Variants in NCKAP5 observed in about 807,000 individuals in gnomAD.
The protein encoded by NCKAP5 is NCK associated protein 5.
Under a neutral mutation model 167.0 loss-of-function variants are expected in NCKAP5, and 92 were observed. The observed-to-expected ratio is 0.55, with a 90% CI of 0.47 to 0.66. The LOEUF (loss-of-function observed/expected upper bound fraction) is 0.66, where lower values mean the gene tolerates loss of function less well. Ranked by LOEUF, NCKAP5 falls within the 30% of genes least tolerant of loss-of-function variation. NCKAP5 has a pLI of 0.00. For missense variants in NCKAP5, 2,378 were observed against 2,315.0 expected (o/e 1.03, Z -0.56); for synonymous variants, 891 against 877.4 (o/e 1.02, Z -0.27).
At chr2:133,213,861 G>C (rs1464495605) in intron 4 of NCKAP5, 82 bp from the exon 5 acceptor site, 3 of 1,326,884 alleles carry the variant, frequency 2.3e-6, no homozygotes, top group Non-Finnish European at 3.2e-6. Context: ...ATTCTTTTGA[G>C]GTCTCTAGAG....
chr2:132,873,985 C>A (rs1691048509), intron 9 of NCKAP5, among the ~76,000 whole-genome samples: 1 of 152,058 alleles, frequency 6.6e-6, no homozygotes, highest in South Asian at 2.1e-4. Context: ...GGACTGCCTC[C>A]AGGGCGATAG....
chr2:132,786,926 A>G (rs533128616), intron 13 of NCKAP5, among the ~76,000 whole-genome samples: 6 of 152,326 alleles, frequency 3.9e-5, no homozygotes, highest in African/African-American at 7.2e-5. Context: ...GATGCTATAT[A>G]TAAAGCCAAG....
chr2:133,160,590 A>G (rs934938058), intron 5 of NCKAP5, among the ~76,000 whole-genome samples: 3 of 151,920 alleles, frequency 2.0e-5, no homozygotes, highest in African/African-American at 7.3e-5. Flanking sequence ...CCAACCCATA[A>G]CAATGGCTGA....
At chr2:133,658,306 G>A in the NCKAP5 span, among the ~76,000 whole-genome samples, 8 of 152,276 alleles carry the variant, frequency 5.3e-5, no homozygotes, top group African/African-American at 1.9e-4. Context: ...CTGTAAGCTT[G>A]TATTTAAGTT....
At chr2:133,424,171 G>A (rs1574931619) in intron 3 of NCKAP5, among the ~76,000 whole-genome samples, 1 of 152,274 alleles carries the variant, frequency 6.6e-6, no homozygotes, top group South Asian at 2.1e-4. Context: ...ATAGGTGTCA[G>A]GGAGTACTGT....
At chr2:132,968,345 TTTGAAGGGA>T in intron 7 of NCKAP5, among the ~76,000 whole-genome samples, 1 of 152,200 alleles carries the variant, frequency 6.6e-6, no homozygotes, top group Admixed American at 6.5e-5. Flanking sequence ...TCAGGAATAT[TTTGAAGGGA>T]TTGAATCAGG....
intron 4 of NCKAP5, among the ~76,000 whole-genome samples, chr2:133,239,348 C>T (rs10496701): frequency 0.082 from 12,416 of 152,052 alleles, 1,607 homozygotes; most frequent in African/African-American, 0.28. Context: ...TTTAGAGAAG[C>T]ATGTGAATCA....
chr2:133,560,553 G>A (rs529123680), intron 1 of NCKAP5, among the ~76,000 whole-genome samples: 94 of 152,256 alleles, frequency 6.2e-4, no homozygotes, highest in African/African-American at 2.2e-3. Flanking sequence ...GGATAGAGTG[G>A]GGAGAAGAGA....
At chr2:133,014,828 T>C (rs1480265381) in intron 6 of NCKAP5, among the ~76,000 whole-genome samples, 1 of 152,234 alleles carries the variant, frequency 6.6e-6, no homozygotes, top group African/African-American at 2.4e-5. Flanking sequence ...CCATGTATAA[T>C]GTTTTCCATT....
intron 4 of NCKAP5, among the ~76,000 whole-genome samples, chr2:133,239,237 T>C (rs1294217493): frequency 6.6e-6 from 1 of 152,190 alleles, no homozygotes; most frequent in Non-Finnish European, 1.5e-5. Context: ...TTAATGTATA[T>C]AGCTTCCACT....
At chr2:132,680,011 C>G (rs1022762906) in intron 19 of NCKAP5, among the ~76,000 whole-genome samples, 40 of 152,066 alleles carry the variant, frequency 2.6e-4, no homozygotes, top group Admixed American at 1.7e-3. Context: ...TTACTGCATT[C>G]CTGGTGAAGC....
intron 4 of NCKAP5, among the ~76,000 whole-genome samples, chr2:133,224,688 T>G (rs1050433866): frequency 7.2e-5 from 11 of 152,178 alleles, no homozygotes; most frequent in African/African-American, 2.2e-4. Flanking sequence ...AATACTGAAT[T>G]AAAGTAACCC....
At chr2:132,901,693 G>T (rs1693640387) in intron 8 of NCKAP5, among the ~76,000 whole-genome samples, 1 of 152,150 alleles carries the variant, frequency 6.6e-6, no homozygotes, top group Admixed American at 6.5e-5. Context: ...TAATGTCCTA[G>T]AATTGTTAAC....
intron 16 of NCKAP5, among the ~76,000 whole-genome samples, chr2:132,764,011 G>T (rs1574120053): frequency 6.6e-6 from 1 of 152,134 alleles, no homozygotes; most frequent in Non-Finnish European, 1.5e-5. Context: ...TATTTTACAG[G>T]AGTGAAAAAG....
chr2:132,999,765 C>T (rs148101360), intron 6 of NCKAP5, among the ~76,000 whole-genome samples: 1 of 152,274 alleles, frequency 6.6e-6, no homozygotes, highest in Non-Finnish European at 1.5e-5. Context: ...CAAAATCTAG[C>T]CCTCTGTTTT....
chr2:133,187,116 G>T (rs1048619168), intron 5 of NCKAP5, among the ~76,000 whole-genome samples: 1 of 151,892 alleles, frequency 6.6e-6, no homozygotes, highest in African/African-American at 2.4e-5. Flanking sequence ...TCTTATCATT[G>T]CTTTAGCTGA....
At chr2:133,625,865 T>C in the NCKAP5 span, among the ~76,000 whole-genome samples, 5 of 135,344 alleles carry the variant, frequency 3.7e-5, no homozygotes, top group Non-Finnish European at 4.7e-5. Context: ...GAGCGAGACT[T>C]GTCTCAAAAA....
chr2:132,830,872 A>G (rs1687473366), intron 11 of NCKAP5, among the ~76,000 whole-genome samples: 1 of 152,202 alleles, frequency 6.6e-6, no homozygotes, highest in Admixed American at 6.5e-5. Context: ...TGTATATAGT[A>G]AAAGTGGAAG....
chr2:132,948,510 T>C (rs1237632351), intron 8 of NCKAP5, among the ~76,000 whole-genome samples: 1 of 151,944 alleles, frequency 6.6e-6, no homozygotes, highest in Non-Finnish European at 1.5e-5. Context: ...TGACAGGCAG[T>C]TAGAGAAAAC....
Sources: gnomAD v4.1 joint callset for allele counts (sites outside exome capture counted in the v4.1 genomes callset) on GRCh38, gnomAD v4.1.1 for gene constraint, MANE v1.5 for transcripts, NCBI Gene and HGNC (gene_info 2026-07-23, HGNC 2026-07-21) for gene names.